CCDC13: variants seen among roughly 807,000 people sequenced by gnomAD.
The protein encoded by CCDC13 is coiled-coil domain containing 13, also known as coiled-coil domain-containing protein 13.
In CCDC13, 70 loss-of-function variants were observed where a neutral mutation model predicts 87.3. The ratio of observed to expected loss-of-function variants is 0.80; its 90% CI spans 0.66 to 0.98. CCDC13 has a LOEUF of 0.98. Ranked by LOEUF, CCDC13 falls within the 50% of genes least tolerant of loss-of-function variation. The pLI is 0.00. For missense variants in CCDC13, 842 were observed against 892.0 expected, an observed-to-expected ratio of 0.94 and a Z score of 0.71; for synonymous variants, 317 against 360.3, an observed-to-expected ratio of 0.88 and a Z score of 1.36.
chr3:42,747,271 G>A lies in CCDC13; in HGVS notation c.706C>T (p.Arg236Trp), dbSNP rs768837484. ...CTCTGAAAGACCTTCTGTGCCATCC[G>A]CAGCTCCTGCTTCACAGACTGGATC... is the stretch of plus-strand genomic sequence containing the variant. ...NQIQSVKQEL[R>W]MAQKVLAREV... Residue 236 changes from arginine to tryptophan, a missense_variant, in exon 6 of 16, where the codon CGG becomes TGG. Arg to Trp is a moderately radical substitution (Grantham distance 101). Transcript: ENST00000310232. 8.1e-6 allele frequency: 13 copies of A among 1,613,742 alleles called. No individual in the cohort carries two copies. Among genetic ancestry groups the A allele is most frequent in the Admixed American group, 3.3e-5 (2 of 60,000 alleles).
intron 13 of CCDC13, among the ~76,000 whole-genome samples, chr3:42,728,041 C>T (rs142035542): frequency 1.7e-3 from 258 of 152,300 alleles, no homozygotes; most frequent in Middle Eastern, 3.4e-3. Flanking sequence ...AAAAAAGAGA[C>T]ATATTTAGTG....
intron 6 of CCDC13, chr3:42,746,553 C>G (rs1699399168): frequency 6.1e-6 from 1 of 163,962 alleles, no homozygotes; most frequent in Non-Finnish European, 1.3e-5. Flanking sequence ...GGCCCAACCT[C>G]AAGGCTTTGA....
At chr3:42,749,631 A>G (rs339682) in intron 5 of CCDC13, among the ~76,000 whole-genome samples, 123,405 of 152,224 alleles carry the variant, frequency 0.81, 50,558 homozygotes, top group East Asian at 1. Context: ...CCGTCCTCCT[A>G]GCTTAGGCAG....
chr3:42,761,094 T>C (rs138739210), intron 1 of CCDC13, among the ~76,000 whole-genome samples: 169 of 152,324 alleles, frequency 1.1e-3, no homozygotes, highest in Middle Eastern at 6.8e-3. Context: ...TATTAAATGC[T>C]CCCCTCACGA....
Position 42,760,959 on chromosome 3 carries a change from C to T in CCDC13, c.-6-2608G>A, listed in dbSNP as rs572072088. ...TTGCCCATTTTTAAATTGTATTAGA[C>T]AATACAATTTACAGTCACAATACAA... On this transcript the variant is annotated intron_variant, in intron 1 of 15. Coordinates refer to ENST00000310232, the MANE Select transcript of CCDC13 (RefSeq NM_144719.4). 5.3e-5 allele frequency among the ~76,000 whole-genome samples: 8 copies of T among 152,004 alleles called. No homozygotes were observed. In the South Asian group the frequency reaches 8.3e-4, roughly 16 times the overall value.
chr3:42,768,298 GT>G (rs1699973799), intron 1 of CCDC13, among the ~76,000 whole-genome samples: 1 of 152,114 alleles, frequency 6.6e-6, no homozygotes, highest in African/African-American at 2.4e-5. Context: ...TTGGCTATGA[GT>G]TTTCATATAT....
At chr3:42,742,068 T>C (rs1195283549) in intron 8 of CCDC13, among the ~76,000 whole-genome samples, 1 of 152,232 alleles carries the variant, frequency 6.6e-6, no homozygotes, top group East Asian at 1.9e-4. Context: ...TGTTACCTTC[T>C]TTAAAGTGGC....
intron 1 of CCDC13, among the ~76,000 whole-genome samples, chr3:42,767,473 T>C (rs1043732381): frequency 1.3e-5 from 2 of 152,226 alleles, no homozygotes; most frequent in African/African-American, 4.8e-5. Flanking sequence ...TGCACATGAA[T>C]AGGAAGAATG....
chr3:42,743,606 C>T (rs913900290), intron 7 of CCDC13, among the ~76,000 whole-genome samples: 44 of 77,426 alleles, frequency 5.7e-4, no homozygotes, highest in African/African-American at 1.3e-3. Flanking sequence ...TATATACACA[C>T]ACACATATAT....
At chr3:42,763,503 CTTT>C (rs765712843) in intron 1 of CCDC13, among the ~76,000 whole-genome samples, 13 of 129,998 alleles carry the variant, frequency 1.0e-4, no homozygotes, top group Admixed American at 1.6e-4. Flanking sequence ...AAGAGATGTA[CTTT>C]TTTTTTTTTT....
chr3:42,710,707 C>T (rs576384589), intron 14 of CCDC13, among the ~76,000 whole-genome samples: 3 of 152,258 alleles, frequency 2.0e-5, no homozygotes, highest in Non-Finnish European at 2.9e-5. Context: ...TGGAGGCATG[C>T]ACCTCAAGAC....
intron 14 of CCDC13, 122 bp from the exon 15 acceptor site, chr3:42,709,920 G>A (rs775523039): frequency 8.0e-5 from 58 of 723,814 alleles, no homozygotes; most frequent in Middle Eastern, 7.4e-4. Context: ...CACCGCCTTC[G>A]GGGTGCAGGG....
At chr3:42,754,790 C>CA (rs2125907142) in intron 3 of CCDC13, among the ~76,000 whole-genome samples, 1 of 152,246 alleles carries the variant, frequency 6.6e-6, no homozygotes, top group South Asian at 2.1e-4. Context: ...GTCCAAAGAG[C>CA]AGGAAGTGGG....
intron 10 of CCDC13, 54 bp downstream of exon 10, chr3:42,735,653 G>T: frequency 6.4e-7 from 1 of 1,566,664 alleles, no homozygotes; most frequent in Non-Finnish European, 8.8e-7. Flanking sequence ...GAAGGAGCTG[G>T]ATGGACTTGC....
chr3:42,760,089 C>T (rs572344669), intron 1 of CCDC13, among the ~76,000 whole-genome samples: 2 of 151,900 alleles, frequency 1.3e-5, no homozygotes, highest in Admixed American at 1.3e-4. Context: ...GTCAGGAATT[C>T]GAGACTAGCC....
intron 1 of CCDC13, among the ~76,000 whole-genome samples, chr3:42,771,765 C>A (rs990751302): frequency 2.1e-5 from 3 of 145,822 alleles, no homozygotes; most frequent in Non-Finnish European, 4.6e-5. Context: ...AATACAGCAG[C>A]AGCAACAACA....
rs765596485 is a variant in CCDC13, at chr3:42,752,656, G to A, written c.432C>T (p.Asn144=). The part of the protein sequence containing the change: ...ATKIVELSKK[N]RLLMAESEGA... Reference sequence around the variant, plus strand: ...CCTCTGATTCTGCCATCAACAGCCGGTTCTTTTTTGATAGCTCCACAATTT... The same window carrying A: ...CCTCTGATTCTGCCATCAACAGCCGATTCTTTTTTGATAGCTCCACAATTT... Residue 144 remains asparagine (N), a synonymous_variant, in exon 4 of 16, where the codon AAC becomes AAT. Coordinates refer to ENST00000310232, the MANE Select transcript of CCDC13 (RefSeq NM_144719.4). 2 of 1,614,076 alleles carry A rather than the reference G, an allele frequency of 1.2e-6. No homozygotes were observed. Among genetic ancestry groups the A allele is most frequent in the Non-Finnish European group, 1.7e-6 (2 of 1,180,058 alleles).
chr3:42,746,090 C>CTAAA, intron 6 of CCDC13, 63 bp from the exon 7 acceptor site: 11 of 1,191,180 alleles, frequency 9.2e-6, no homozygotes, highest in Non-Finnish European at 1.3e-5. Flanking sequence ...CCTGATGCTG[C>CTAAA]TACGTATTTA....
chr3:42,764,973 A>T (rs1329731901), intron 1 of CCDC13, among the ~76,000 whole-genome samples: 5 of 152,196 alleles, frequency 3.3e-5, no homozygotes, highest in Non-Finnish European at 7.4e-5. Context: ...CAGGCCTTCA[A>T]CTGTCATTTG....
Sources: gnomAD v4.1 joint callset for allele counts (sites outside exome capture counted in the v4.1 genomes callset) on GRCh38, gnomAD v4.1.1 for gene constraint, MANE v1.5 for transcripts, NCBI Gene and HGNC (gene_info 2026-07-23, HGNC 2026-07-21) for gene names.